The following PRKCB variants were observed in gnomAD, a reference collection of about 807,000 sequenced individuals.
PRKCB encodes protein kinase C beta type.
PRKCB carries 13 observed loss-of-function variants against 81.5 expected under a neutral mutation model. The ratio of observed to expected loss-of-function variants is 0.16; its 90% confidence interval spans 0.10 to 0.25. The LOEUF is 0.25. Among genes scored for constraint, PRKCB ranks in the 10% least tolerant of loss-of-function variants. PRKCB has a pLI of 1.00. For missense variants in PRKCB, 509 were observed against 875.7 expected (o/e 0.58, Z 5.29); for synonymous variants, 335 against 321.4 (o/e 1.04, Z -0.45).
intron 12 of PRKCB, among the ~76,000 whole-genome samples, chr16:24,176,075 G>C (rs1196296693): frequency 6.6e-6 from 1 of 151,982 alleles, no homozygotes; most frequent in African/African-American, 2.4e-5. Context: ...GGAGAAATGG[G>C]AAGTGGGGAC....
At chr16:23,947,004 T>C (rs1964211666) in intron 2 of PRKCB, among the ~76,000 whole-genome samples, 1 of 152,116 alleles carries the variant, frequency 6.6e-6, no homozygotes, top group Admixed American at 6.6e-5. Flanking sequence ...TACAGGCATA[T>C]GCAACCACTG....
Position 24,218,090 on chromosome 16 carries a change from A to C in PRKCB, c.*3274A>C. 1 of 985,236 alleles carries C rather than the reference A, an allele frequency of 1.0e-6. No homozygotes were observed. The highest frequency in any genetic ancestry group is 1.2e-6 in the Non-Finnish European group (1 of 829,764). The allele number at this position is 985,236 out of a possible 1,614,324, so 61.0% of individuals were successfully genotyped here. A position where few individuals can be genotyped will look rare whatever the true frequency, so the allele number is the denominator to read the frequency against. ...GCACTATTCTTAGCACTGGAAATACACTAGTGAAGAAGCAGATGAGGACCC... is the reference window on the plus strand; with the variant it reads ...GCACTATTCTTAGCACTGGAAATACCCTAGTGAAGAAGCAGATGAGGACCC... On this transcript the variant is annotated 3_prime_UTR_variant, in exon 17 of 17. Transcript: ENST00000643927.
chr16:24,116,533 G>A (rs73548433), intron 8 of PRKCB, among the ~76,000 whole-genome samples: 6,721 of 152,270 alleles, frequency 0.044, 478 homozygotes, highest in African/African-American at 0.15. Context: ...CCCTTCCTGG[G>A]AACAAGTGGA....
intron 3 of PRKCB, among the ~76,000 whole-genome samples, chr16:24,016,380 C>G (rs1965277854): frequency 6.6e-6 from 1 of 151,962 alleles, no homozygotes; most frequent in Non-Finnish European, 1.5e-5. Context: ...GGGCTAAGAG[C>G]TGCTGGCCTG....
At position 24,086,483 on chromosome 16, in the gene PRKCB, C is replaced by T. The variant is rs549193542; in HGVS notation, c.530-6308C>T. On this transcript the variant is annotated intron_variant, in intron 5 of 16. Transcript: ENST00000643927. ...TTATCCTGGGTCTGTGTGTTATTCACCACGGAGCTCATTTTCTGGGTTCTA... is the reference window on the plus strand; with the variant it reads ...TTATCCTGGGTCTGTGTGTTATTCATCACGGAGCTCATTTTCTGGGTTCTA... Among the ~76,000 whole-genome samples the T allele has an allele frequency of 3.9e-5, 6 of 152,284 alleles. No individual in the cohort carries two copies. The South Asian group carries it at 1.2e-3, about 32-fold the overall frequency.
intron 3 of PRKCB, among the ~76,000 whole-genome samples, chr16:24,022,035 A>G (rs1965411973): frequency 1.3e-5 from 2 of 152,202 alleles, no homozygotes. Flanking sequence ...GCAACAGGAA[A>G]TACTGGGAAG....
chr16:23,933,685 T>A (rs896925028), intron 2 of PRKCB, among the ~76,000 whole-genome samples: 3 of 135,426 alleles, frequency 2.2e-5, no homozygotes, highest in Non-Finnish European at 3.2e-5. Context: ...TCATCTTCTG[T>A]TTGTTGATTT....
At chr16:24,138,369 T>C (rs1966872310) in intron 9 of PRKCB, among the ~76,000 whole-genome samples, 1 of 152,214 alleles carries the variant, frequency 6.6e-6, no homozygotes, top group Non-Finnish European at 1.5e-5. Flanking sequence ...GACAGGACTT[T>C]AAGGGTTTCA....
intron 7 of PRKCB, among the ~76,000 whole-genome samples, chr16:24,094,996 C>T (rs1267561138): frequency 6.6e-6 from 1 of 152,104 alleles, no homozygotes; most frequent in African/African-American, 2.4e-5. Context: ...AAATCTGGGG[C>T]TAGAAGGCAA....
intron 2 of PRKCB, among the ~76,000 whole-genome samples, chr16:23,851,726 C>T (rs1567289849): frequency 1.3e-5 from 2 of 152,096 alleles, no homozygotes; most frequent in African/African-American, 4.8e-5. Context: ...CACGGAATAT[C>T]TTTTCATTTA....
chr16:24,039,650 C>T (rs1233481230), intron 5 of PRKCB, among the ~76,000 whole-genome samples: 4 of 152,278 alleles, frequency 2.6e-5, no homozygotes, highest in Non-Finnish European at 5.9e-5. Context: ...AGAGTAACTT[C>T]CCAGGTGAGG....
intron 15 of PRKCB, among the ~76,000 whole-genome samples, chr16:24,186,160 G>C (rs2141976478): frequency 6.6e-6 from 1 of 152,284 alleles, no homozygotes; most frequent in East Asian, 1.9e-4. Context: ...TGTGAAGAAA[G>C]CAGGATGTGT....
At chr16:23,859,845 AG>A (rs750868017) in intron 2 of PRKCB, among the ~76,000 whole-genome samples, 2 of 151,078 alleles carry the variant, frequency 1.3e-5, no homozygotes, top group African/African-American at 2.4e-5. Flanking sequence ...GCACTTCTCA[AG>A]GGGGTGAGGT....
At chr16:24,033,590 A>T (rs1263017206) in intron 4 of PRKCB, among the ~76,000 whole-genome samples, 1 of 151,972 alleles carries the variant, frequency 6.6e-6, no homozygotes, top group Non-Finnish European at 1.5e-5. Context: ...GGCAAAACCC[A>T]ATCTCTACTA....
rs112814112 is a variant in PRKCB at position 23,877,828 on chromosome 16, CT to C, written c.205+40435del. 6.5e-3 allele frequency among the ~76,000 whole-genome samples: 919 copies of C among 142,368 alleles called. 3 individuals carry two copies. The highest frequency in any genetic ancestry group is 9.4e-3 in the Non-Finnish European group (606 of 64,598). 93.4% of individuals were successfully genotyped at this position (142,368 alleles called of 152,430 possible). ...ACAGTACTCTGAGGTGCAGTCACTTCTTTTTTTTTTTTTCCTTTTTTTCAAA... is the reference window on the plus strand; with the variant it reads ...ACAGTACTCTGAGGTGCAGTCACTTCTTTTTTTTTTTTCCTTTTTTTCAAA... On this transcript the variant is annotated intron_variant, in intron 2 of 16. Coordinates refer to ENST00000643927, the MANE Select transcript of PRKCB (RefSeq NM_002738.7).
chr16:24,101,263 A>G (rs1966503233), intron 7 of PRKCB, among the ~76,000 whole-genome samples: 1 of 152,180 alleles, frequency 6.6e-6, no homozygotes, highest in African/African-American at 2.4e-5. Flanking sequence ...AGTTAAACGA[A>G]TGGCCAGGTG....
chr16:24,147,831 G>A (rs568701036), intron 9 of PRKCB, among the ~76,000 whole-genome samples: 2 of 152,226 alleles, frequency 1.3e-5, no homozygotes, highest in East Asian at 1.9e-4. Context: ...TCCACCTTAC[G>A]TATTTACTGT....
intron 8 of PRKCB, among the ~76,000 whole-genome samples, chr16:24,114,572 G>T (rs929710877): frequency 1.5e-4 from 23 of 152,060 alleles, no homozygotes; most frequent in African/African-American, 5.3e-4. Flanking sequence ...AGCTACCTAA[G>T]AGCAGCAGGT....
chr16:24,021,030 TTCTTTCTTTCTC>T (rs1965364570), intron 3 of PRKCB, among the ~76,000 whole-genome samples: 1 of 140,404 alleles, frequency 7.1e-6, no homozygotes, highest in African/African-American at 2.7e-5. Flanking sequence ...CTTTCTTTCT[TTCTTTCTTTCTC>T]TTTCTTTCTT....
Sources: allele counts gnomAD v4.1 joint callset (sites outside exome capture counted in the v4.1 genomes callset), GRCh38; gene constraint gnomAD v4.1.1; transcripts MANE v1.5; gene names NCBI Gene and HGNC (gene_info 2026-07-23, HGNC 2026-07-21).